Variants in AFF2 observed in about 807,000 individuals in gnomAD.
AFF2 encodes the protein AF4/FMR2 family member 2.
A neutral mutation model predicts 76.9 loss-of-function variants in AFF2; 14 were observed. That is an observed-to-expected ratio of 0.18 (90% CI 0.12 to 0.28). The LOEUF is 0.28. Ranked by LOEUF, AFF2 falls within the 10% of genes least tolerant of loss-of-function variation. AFF2 has a pLI of 1.00. For missense variants in AFF2, 868 were observed against 1,001.1 expected (o/e 0.87, Z 1.79); for synonymous variants, 398 against 366.7 (o/e 1.09, Z -0.98).
At chrX:148,580,848 A>G (rs2124345461) in intron 1 of AFF2, among the ~76,000 whole-genome samples, 1 of 108,084 alleles carries the variant, frequency 9.3e-6, no homozygotes, top group East Asian at 3.0e-4. Context: ...ATTTTATACT[A>G]TTATTACAGC....
rs189515626 is a variant in AFF2, at chrX:148,679,750, A to G, written c.1041+16982A>G. 4.2e-3 allele frequency among the ~76,000 whole-genome samples: 473 copies of G among 111,440 alleles called. 3 individuals are homozygous for G. The highest frequency in any genetic ancestry group is 0.015 in the African/African-American group (453 of 30,651). On this transcript the variant is annotated intron_variant, in intron 3 of 20. Transcript: ENST00000370460. ...TGAGGCATTAGTGATGCCAAATGGA[A>G]GCTCTACTACCCATTCAACATTGCC...
At chrX:148,814,757 A>T (rs1428301712) in intron 4 of AFF2, among the ~76,000 whole-genome samples, 1 of 111,844 alleles carries the variant, frequency 8.9e-6, no homozygotes, top group African/African-American at 3.2e-5. Flanking sequence ...GAAAAAAATT[A>T]CCAAATATTT....
At chrX:148,600,369 G>A (rs1275928649) in intron 1 of AFF2, among the ~76,000 whole-genome samples, 2 of 111,450 alleles carry the variant, frequency 1.8e-5, no homozygotes, top group African/African-American at 3.3e-5. Flanking sequence ...CTCCTCTGCC[G>A]GCCTAAATCC....
chrX:148,756,264 A>G (rs1251664585), intron 3 of AFF2, among the ~76,000 whole-genome samples: 2 of 112,631 alleles, frequency 1.8e-5, no homozygotes, highest in Non-Finnish European at 3.8e-5. Context: ...TAACATTTAT[A>G]TAGAGCTGGC....
At chrX:148,652,281 T>A (rs1317622805) in intron 2 of AFF2, 150 bp downstream of exon 2, 2 of 428,292 alleles carry the variant, frequency 4.7e-6, no homozygotes. Context: ...TTGAGGCAAC[T>A]GCAAGTTTCT....
At chrX:148,882,407 C>A (rs2071107970) in intron 7 of AFF2, among the ~76,000 whole-genome samples, 1 of 111,814 alleles carries the variant, frequency 8.9e-6, no homozygotes, top group African/African-American at 3.3e-5. Flanking sequence ...AATTATAGGT[C>A]ACAGTAAAAC....
intron 1 of AFF2, among the ~76,000 whole-genome samples, chrX:148,519,148 A>G (rs1557234198): frequency 9.0e-6 from 1 of 110,795 alleles, no homozygotes; most frequent in Non-Finnish European, 1.9e-5. Flanking sequence ...GCTAGTTGCT[A>G]CTCTCCCAAC....
chrX:148,581,544 G>A (rs782246941), intron 1 of AFF2, among the ~76,000 whole-genome samples: 1 of 88,332 alleles, frequency 1.1e-5, no homozygotes, highest in Non-Finnish European at 2.2e-5. Flanking sequence ...ATACGTATAC[G>A]TCTACGTGTA....
At chrX:148,839,892 A>AG (rs2070575145) in intron 5 of AFF2, among the ~76,000 whole-genome samples, 2 of 66,783 alleles carry the variant, frequency 3.0e-5, no homozygotes, top group Admixed American at 4.1e-4. Flanking sequence ...GTGTTGGGGC[A>AG]TGGTGTGTGT....
At chrX:148,601,759 A>G (rs2053629372) in intron 1 of AFF2, among the ~76,000 whole-genome samples, 1 of 112,030 alleles carries the variant, frequency 8.9e-6, no homozygotes, top group South Asian at 3.7e-4. Context: ...ATAAATTTCA[A>G]TATTTTAATA....
At chrX:148,505,955 CTGTGTGTGTGTGTG>C (rs3838386) in intron 1 of AFF2, among the ~76,000 whole-genome samples, 12 of 102,420 alleles carry the variant, frequency 1.2e-4, no homozygotes, top group African/African-American at 3.9e-4. Flanking sequence ...GTGTGTGTGT[CTGTGTGTGTGTGTG>C]TGTGTGTGTG....
At chrX:148,942,114 G>A (rs1162089836) in intron 9 of AFF2, among the ~76,000 whole-genome samples, 1 of 108,570 alleles carries the variant, frequency 9.2e-6, no homozygotes, top group Non-Finnish European at 1.9e-5. Flanking sequence ...TGCAAAACAG[G>A]GAGATATCTG....
intron 16 of AFF2, among the ~76,000 whole-genome samples, chrX:148,977,338 G>A (rs1207032169): frequency 9.1e-6 from 1 of 109,455 alleles, no homozygotes; most frequent in East Asian, 2.9e-4. Flanking sequence ...TAAATTAAGG[G>A]TGCTTAGACC....
chrX:148,824,994 C>T (rs904748290), intron 4 of AFF2, among the ~76,000 whole-genome samples: 5 of 111,354 alleles, frequency 4.5e-5, no homozygotes, highest in Non-Finnish European at 9.4e-5. Flanking sequence ...GCCACGATCA[C>T]ACCATTGCAC....
At chrX:148,634,413 G>T (rs1282707155) in intron 1 of AFF2, among the ~76,000 whole-genome samples, 1 of 111,566 alleles carries the variant, frequency 9.0e-6, no homozygotes, top group Non-Finnish European at 1.9e-5. Flanking sequence ...AGGGCAACTG[G>T]GGCCCCACTT....
At chrX:148,668,462 T>A (rs1483019463) in intron 3 of AFF2, among the ~76,000 whole-genome samples, 1 of 112,645 alleles carries the variant, frequency 8.9e-6, no homozygotes, top group Admixed American at 9.3e-5. Context: ...GCAGAGGTTC[T>A]CCATGGGGGC....
intron 3 of AFF2, among the ~76,000 whole-genome samples, chrX:148,756,555 G>A (rs1169043951): frequency 1.8e-5 from 2 of 112,528 alleles, no homozygotes; most frequent in Admixed American, 9.4e-5. Flanking sequence ...TTCAAGAATT[G>A]ACTTATTTCC....
At chrX:148,618,874 T>C (rs1325956324) in intron 1 of AFF2, among the ~76,000 whole-genome samples, 2 of 110,889 alleles carry the variant, frequency 1.8e-5, no homozygotes, top group Non-Finnish European at 3.8e-5. Flanking sequence ...TGAAAGAGTA[T>C]TATGTTGCAC....
chrX:148,877,289 C>T (rs1354273243), intron 7 of AFF2, among the ~76,000 whole-genome samples: 1 of 112,061 alleles, frequency 8.9e-6, no homozygotes, highest in Admixed American at 9.5e-5. Flanking sequence ...ACAGGAGGTA[C>T]TCATACTCAT....
Sources: gnomAD v4.1 joint callset for allele counts (sites outside exome capture counted in the v4.1 genomes callset) on GRCh38, gnomAD v4.1.1 for gene constraint, MANE v1.5 for transcripts, NCBI Gene and HGNC (gene_info 2026-07-23, HGNC 2026-07-21) for gene names.